The following KIAA1671 variants were observed in gnomAD, a reference collection of about 807,000 sequenced individuals.
KIAA1671 encodes KIAA1671.
KIAA1671 carries 52 observed loss-of-function variants against 131.2 expected under a neutral mutation model. The observed-to-expected ratio is 0.40, with a 90% CI of 0.32 to 0.50. The LOEUF is 0.50. KIAA1671 is among the 20% of genes least tolerant of loss of function. The pLI, the probability that KIAA1671 is intolerant of heterozygous loss-of-function variation, is 0.73. For synonymous variants in KIAA1671, 1,003 were observed against 961.6 expected (o/e 1.04, Z -0.80); for missense variants, 2,360 against 2,364.2 (o/e 1.00, Z 0.04).
At chr22:25,166,423 C>T (rs776635956) in intron 6 of KIAA1671, among the ~76,000 whole-genome samples, 14 of 152,146 alleles carry the variant, frequency 9.2e-5, no homozygotes, top group African/African-American at 2.7e-4. Flanking sequence ...CAGGGCCATC[C>T]GCAAGAGGTC....
intron 6 of KIAA1671, among the ~76,000 whole-genome samples, chr22:25,136,740 T>C (rs994489890): frequency 5.3e-5 from 8 of 152,220 alleles, no homozygotes; most frequent in African/African-American, 1.7e-4. Flanking sequence ...GGCAGAGCTA[T>C]AGACCTTTGA....
intron 6 of KIAA1671, among the ~76,000 whole-genome samples, chr22:25,069,645 C>A (rs1277273501): frequency 6.6e-6 from 1 of 152,198 alleles, no homozygotes; most frequent in Non-Finnish European, 1.5e-5. Flanking sequence ...GTTTTCCTCT[C>A]TGTAAAATGG....
At chr22:25,026,152 G>C (rs1181168874) in intron 2 of KIAA1671, among the ~76,000 whole-genome samples, 2 of 152,212 alleles carry the variant, frequency 1.3e-5, no homozygotes, top group Non-Finnish European at 2.9e-5. Context: ...GCACCATCGA[G>C]CGTGTAAGGA....
chr22:24,980,005 G>T (rs1332845225), intron 1 of KIAA1671, among the ~76,000 whole-genome samples: 2 of 146,554 alleles, frequency 1.4e-5, no homozygotes, highest in Non-Finnish European at 3.0e-5. Flanking sequence ...TTGCTCTGTT[G>T]CCAGGCTGGA....
At chr22:25,136,602 G>C (rs1050819796) in intron 6 of KIAA1671, among the ~76,000 whole-genome samples, 1 of 152,138 alleles carries the variant, frequency 6.6e-6, no homozygotes, top group African/African-American at 2.4e-5. Context: ...GCCTCCATTT[G>C]TCCCATTTGT....
At chr22:25,065,268 C>T (rs188153831) in intron 6 of KIAA1671, 2 of 152,230 alleles carry the variant, frequency 1.3e-5, no homozygotes, top group Admixed American at 1.3e-4. Context: ...TGTCAGTTCC[C>T]AAAGCAGGGC....
chr22:25,065,062 T>C (rs889432508), intron 6 of KIAA1671: 3 of 152,258 alleles, frequency 2.0e-5, no homozygotes, highest in African/African-American at 7.2e-5. Context: ...AAGGAATTCC[T>C]GGCAGAGGGC....
intron 6 of KIAA1671, among the ~76,000 whole-genome samples, chr22:25,094,059 G>A (rs1198413727): frequency 1.3e-5 from 2 of 151,986 alleles, no homozygotes; most frequent in Non-Finnish European, 2.9e-5. Flanking sequence ...ATCCAAACAC[G>A]AAGGCTGCTC....
rs6004436 is a variant in KIAA1671 at position 25,093,752 on chromosome 22, C to G, written c.4530+44388C>G. Among the ~76,000 whole-genome samples the G allele has an allele frequency of 3.1e-3, 169 of 54,298 alleles. 2 individuals are homozygous for G. The highest frequency in any genetic ancestry group is 0.011 in the Middle Eastern group (1 of 92). 35.6% of individuals were successfully genotyped at this position (54,298 alleles called of 152,430 possible). A position where few individuals can be genotyped will look rare whatever the true frequency, so the allele number is the denominator to read the frequency against. On this transcript the variant is annotated intron_variant, in intron 6 of 12. Transcript: ENST00000358431. Reference sequence around the variant, plus strand: ...ACACACACACACTCTCTCTCTCTCTCTCTCTCTCTCTCTCTGTCTCTCTCT... The same window carrying G: ...ACACACACACACTCTCTCTCTCTCTGTCTCTCTCTCTCTCTGTCTCTCTCT...
At chr22:25,042,463 GTTTTT>G (rs3063202) in intron 5 of KIAA1671, among the ~76,000 whole-genome samples, 1 of 104,890 alleles carries the variant, frequency 9.5e-6, no homozygotes, top group Admixed American at 1.1e-4. Flanking sequence ...GCAGTCCCTT[GTTTTT>G]TTTTTTTTTT....
At chr22:25,074,077 C>G (rs796290138) in intron 6 of KIAA1671, among the ~76,000 whole-genome samples, 17 of 152,158 alleles carry the variant, frequency 1.1e-4, no homozygotes, top group African/African-American at 3.9e-4. Context: ...TTTCTGTGCC[C>G]GGCTTATTTC....
chr22:25,004,532 T>C (rs1309291658), intron 1 of KIAA1671, among the ~76,000 whole-genome samples: 1 of 152,196 alleles, frequency 6.6e-6, no homozygotes, highest in Non-Finnish European at 1.5e-5. Context: ...GTGAAAAGTC[T>C]CTCTCCCATC....
Position 25,083,414 on chromosome 22 carries a change from C to T in KIAA1671, c.4530+34050C>T, listed in dbSNP as rs564532147. On this transcript the variant is annotated intron_variant, in intron 6 of 12. Transcript: ENST00000358431. ...CCTTTGATGTACTAGGGGGTTAGGG[C>T]TTCAATATGTGAATTTGGGGGGAAT... Among the ~76,000 whole-genome samples, 141 of 143,258 alleles carry T rather than the reference C, an allele frequency of 9.8e-4. 1 individual carries two copies. Among genetic ancestry groups the T allele is most frequent in the African/African-American group, 4.0e-3 (140 of 35,278 alleles). The allele number at this position is 143,258 out of a possible 152,430, so 94.0% of individuals were successfully genotyped here. A position where few individuals can be genotyped will look rare whatever the true frequency, so the allele number is the denominator to read the frequency against.
intron 1 of KIAA1671, among the ~76,000 whole-genome samples, chr22:24,996,888 G>A (rs1356093131): frequency 1.3e-5 from 2 of 152,164 alleles, no homozygotes; most frequent in Non-Finnish European, 2.9e-5. Context: ...GGGATTTGGG[G>A]GAGGGGCAGA....
chr22:24,956,882 A>AAAG (rs1921735013), intron 1 of KIAA1671, among the ~76,000 whole-genome samples: 1 of 151,006 alleles, frequency 6.6e-6, no homozygotes, highest in Non-Finnish European at 1.5e-5. Flanking sequence ...AAAAAAAAAA[A>AAAG]AAAAAAGAAG....
intron 6 of KIAA1671, among the ~76,000 whole-genome samples, chr22:25,108,418 C>G (rs1883280): frequency 6.6e-6 from 1 of 151,962 alleles, no homozygotes; most frequent in Non-Finnish European, 1.5e-5. Flanking sequence ...ACGTCCTGGG[C>G]CTGCGTAATG....
intron 1 of KIAA1671, among the ~76,000 whole-genome samples, chr22:24,979,342 A>AT: frequency 3.7e-5 from 5 of 134,818 alleles, no homozygotes; most frequent in East Asian, 2.6e-4. Context: ...TATTTTATTT[A>AT]TTTATTTATT....
rs1926129082 is a variant in KIAA1671, at chr22:25,029,197, G to T, written c.1198G>T (p.Ala400Ser). The change falls in exon 3 of 13, where the codon GCT becomes TCT. Residue 400 changes from alanine (A) to serine (S), a missense_variant. Ala to Ser is a moderately conservative substitution (Grantham distance 99). Transcript: ENST00000358431. ...AKLDPEPEKA[A>S]ESPSPRLGRG... is the part of the protein sequence containing the mutation. ...GCTGGACCCAGAGCCAGAGAAGGCT[G>T]CTGAGTCCCCCTCACCCAGGCTGGG... is the stretch of plus-strand genomic sequence containing the variant. 1 of 1,457,892 alleles carries T rather than the reference G, an allele frequency of 6.9e-7. No individual in the cohort carries two copies. The allele number at this position is 1,457,892 out of a possible 1,614,324, so 90.3% of individuals were successfully genotyped here.
intron 6 of KIAA1671, among the ~76,000 whole-genome samples, chr22:25,134,944 CTA>C (rs1932607027): frequency 6.6e-6 from 1 of 152,200 alleles, no homozygotes; most frequent in Admixed American, 6.5e-5. Context: ...AGCAGACACT[CTA>C]TACATGTTAG....
Sources: gnomAD v4.1 joint callset for allele counts (sites outside exome capture counted in the v4.1 genomes callset) on GRCh38, gnomAD v4.1.1 for gene constraint, MANE v1.5 for transcripts, NCBI Gene and HGNC (gene_info 2026-07-23, HGNC 2026-07-21) for gene names.